IL2RB: variants seen among roughly 807,000 people sequenced by gnomAD.
IL2RB encodes the protein interleukin 2 receptor subunit beta, also known as interleukin-2 receptor subunit beta.
IL2RB carries 17 observed loss-of-function variants against 44.2 expected under a neutral mutation model. That is an observed-to-expected ratio of 0.38 (90% CI 0.26 to 0.58). IL2RB has a LOEUF of 0.58. Among genes scored for constraint, IL2RB ranks in the 20% least tolerant of loss-of-function variants. IL2RB has a pLI of 0.63. For missense variants in IL2RB, 624 were observed against 685.5 expected (o/e 0.91, Z 1.00); for synonymous variants, 286 against 297.9 (o/e 0.96, Z 0.41).
At chr22:37,168,173 G>A (rs956197243) in intron 1 of IL2RB, among the ~76,000 whole-genome samples, 1 of 152,204 alleles carries the variant, frequency 6.6e-6, no homozygotes, top group African/African-American at 2.4e-5. Flanking sequence ...CGTGAGAAGA[G>A]TAAATACATG....
At position 37,127,482 on chromosome 22, in the gene IL2RB, G is replaced by C. The variant is rs1225027362; in HGVS notation, c.*614C>G. On this transcript the variant is annotated 3_prime_UTR_variant, in exon 10 of 10. Coordinates refer to ENST00000216223, the MANE Select transcript of IL2RB (RefSeq NM_000878.5). Reference sequence around the variant, plus strand: ...CCAGGGAATAGCATGTGCAACAGAGGGGGTGTGAGGGAGCTCTGAGTGGCT... The same window carrying C: ...CCAGGGAATAGCATGTGCAACAGAGCGGGTGTGAGGGAGCTCTGAGTGGCT... 6.6e-6 allele frequency: 1 copy of C among 152,190 alleles called. No individual in the cohort carries two copies. Among genetic ancestry groups the C allele is most frequent in the Admixed American group, 6.5e-5 (1 of 15,278 alleles). 9.4% of individuals were successfully genotyped at this position (152,190 alleles called of 1,614,324 possible). A position where few individuals can be genotyped will look rare whatever the true frequency, so the allele number is the denominator to read the frequency against.
At position 37,134,774 on chromosome 22, in the gene IL2RB, C is replaced by T. The variant is rs3218308; in HGVS notation, c.818+554G>A. Among the ~76,000 whole-genome samples the T allele has an allele frequency of 3.6e-3, 552 of 152,292 alleles. 3 individuals are homozygous for T. The highest frequency in any genetic ancestry group is 0.012 in the African/African-American group (519 of 41,550). ...ATCCTGATCCCGGTGTGTCATTACACACCTGCATGATTGTCTGCCTTCCCC... is the reference window on the plus strand; with the variant it reads ...ATCCTGATCCCGGTGTGTCATTACATACCTGCATGATTGTCTGCCTTCCCC... On this transcript the variant is annotated intron_variant, in intron 8 of 9. Coordinates refer to ENST00000216223, the MANE Select transcript of IL2RB (RefSeq NM_000878.5).
At chr22:37,144,848 A>G (rs1284482609) in intron 1 of IL2RB, among the ~76,000 whole-genome samples, 1 of 152,160 alleles carries the variant, frequency 6.6e-6, no homozygotes, top group East Asian at 1.9e-4. Context: ...GTTTTCCTCT[A>G]TCTCTCTTCA....
At position 37,128,033 on chromosome 22, in the gene IL2RB, C is replaced by T; in HGVS notation, c.*63G>A. On this transcript the variant is annotated 3_prime_UTR_variant, in exon 10 of 10. Coordinates refer to ENST00000216223, the MANE Select transcript of IL2RB (RefSeq NM_000878.5). This position sits in a 1 kb window ranked among gnomAD's most constrained non-coding sequence, Gnocchi z 4.5. ...TCAGCAGTGGACTGAGGACCCTCAA[C>T]AGGGTCCTTCTGAGGCTCGGCGCAG... The T allele has an allele frequency of 7.4e-7, 1 of 1,358,288 alleles. No homozygotes were observed. Among genetic ancestry groups the T allele is most frequent in the Non-Finnish European group, 9.7e-7 (1 of 1,031,322 alleles). 84.1% of individuals were successfully genotyped at this position (1,358,288 alleles called of 1,614,324 possible). A position where few individuals can be genotyped will look rare whatever the true frequency, so the allele number is the denominator to read the frequency against.
chr22:37,168,523 T>G (rs150089311), intron 1 of IL2RB, among the ~76,000 whole-genome samples: 1 of 152,282 alleles, frequency 6.6e-6, no homozygotes, highest in Non-Finnish European at 1.5e-5. Flanking sequence ...TTCCTTTACC[T>G]CTCTGAGCCT....
At chr22:37,156,343 G>A (rs1922680290) in intron 1 of IL2RB, among the ~76,000 whole-genome samples, 1 of 152,216 alleles carries the variant, frequency 6.6e-6, no homozygotes, top group African/African-American at 2.4e-5. Context: ...AGCTGCGTGT[G>A]TCCAAAGAGA....
At chr22:37,172,111 T>C (rs1328195489) in intron 1 of IL2RB, among the ~76,000 whole-genome samples, 1 of 151,738 alleles carries the variant, frequency 6.6e-6, no homozygotes, top group Non-Finnish European at 1.5e-5. Context: ...ACTGCTTTAA[T>C]GCTCCCTCTC....
intron 4 of IL2RB, 82 bp downstream of exon 4, chr22:37,142,352 G>T: frequency 7.8e-7 from 1 of 1,286,760 alleles, no homozygotes; most frequent in Non-Finnish European, 1.1e-6. Flanking sequence ...TCTTCCCCTG[G>T]CATCCGGCCC....
chr22:37,150,622 T>A (rs1922449401), upstream of IL2RB, among the ~76,000 whole-genome samples: 1 of 152,184 alleles, frequency 6.6e-6, no homozygotes, highest in South Asian at 2.1e-4. Context: ...AAATGTACAA[T>A]AAATTATTGT....
intron 9 of IL2RB, among the ~76,000 whole-genome samples, chr22:37,131,324 C>T (rs1338064496): frequency 6.6e-6 from 1 of 152,130 alleles, no homozygotes; most frequent in Non-Finnish European, 1.5e-5. Flanking sequence ...GGCTTTCCTC[C>T]TCCGCCACTC....
chr22:37,157,403 C>T (rs1922717435), intron 1 of IL2RB, among the ~76,000 whole-genome samples: 1 of 152,314 alleles, frequency 6.6e-6, no homozygotes, highest in African/African-American at 2.4e-5. Context: ...AGGCTCCAGA[C>T]CTGAAGCCCC....
upstream of IL2RB, among the ~76,000 whole-genome samples, chr22:37,153,773 C>T (rs1319978463): frequency 2.0e-5 from 3 of 152,172 alleles, no homozygotes; most frequent in African/African-American, 7.2e-5. Flanking sequence ...ATGGCATGAA[C>T]ATATTTCCTG....
chr22:37,144,293 G>C, intron 1 of IL2RB, 88 bp from the exon 2 acceptor site: 1 of 1,451,696 alleles, frequency 6.9e-7, no homozygotes. Context: ...CGCCCCCTCA[G>C]TGTGCATGGT....
At chr22:37,136,181 G>T (rs77990596) in intron 7 of IL2RB, 47 bp downstream of exon 7, 3 of 1,563,524 alleles carry the variant, frequency 1.9e-6, no homozygotes, top group South Asian at 2.3e-5. Context: ...TCCTCCAGCC[G>T]CCCCCTCCTG....
At chr22:37,170,789 T>G (rs753502133) in intron 1 of IL2RB, among the ~76,000 whole-genome samples, 7 of 152,198 alleles carry the variant, frequency 4.6e-5, no homozygotes, top group Non-Finnish European at 8.8e-5. Context: ...ACTTTACTGC[T>G]GATCTCCAAA....
chr22:37,171,354 GA>G (rs1923278470), intron 1 of IL2RB, among the ~76,000 whole-genome samples: 2 of 152,152 alleles, frequency 1.3e-5, no homozygotes, highest in Admixed American at 6.5e-5. Context: ...AGAGGCTTAG[GA>G]CACAACAGTG....
chr22:37,150,966 A>T (rs1922465910), upstream of IL2RB, among the ~76,000 whole-genome samples: 1 of 152,172 alleles, frequency 6.6e-6, no homozygotes, highest in Non-Finnish European at 1.5e-5. Context: ...TTCTTTATTC[A>T]TTCATCTGTT....
At chr22:37,150,252 G>A (rs144921819), upstream of IL2RB, among the ~76,000 whole-genome samples, 1,460 of 151,788 alleles carry the variant, frequency 9.6e-3, 22 homozygotes, top group Non-Finnish European at 9.5e-3. Context: ...CACCTCTGAC[G>A]CCTCCATCCG....
chr22:37,135,508 G>A lies in IL2RB; in HGVS notation c.704-66C>T, dbSNP rs1424678057. The A allele has an allele frequency of 5.9e-5, 61 of 1,029,228 alleles. No individual in the cohort carries two copies. The South Asian group carries it at 6.3e-4, about 11-fold the overall frequency. 63.8% of individuals were successfully genotyped at this position (1,029,228 alleles called of 1,614,324 possible). A position where few individuals can be genotyped will look rare whatever the true frequency, so the allele number is the denominator to read the frequency against. On this transcript the variant is annotated intron_variant, in intron 7 of 9. Coordinates refer to ENST00000216223, the MANE Select transcript of IL2RB (RefSeq NM_000878.5). ...GAAGTGCCCTCACTCACCCTGGGTC[G>A]GTCACCCCAACACCCCCATCCAGGG...
Sources: allele counts gnomAD v4.1 joint callset (sites outside exome capture counted in the v4.1 genomes callset), GRCh38; gene constraint gnomAD v4.1.1; non-coding constraint Gnocchi (gnomAD v3.1); transcripts MANE v1.5; gene names NCBI Gene and HGNC (gene_info 2026-07-23, HGNC 2026-07-21).